The following CPVL variants were observed in gnomAD, a reference collection of about 807,000 sequenced individuals.
CPVL encodes probable serine carboxypeptidase CPVL.
A neutral mutation model predicts 63.7 loss-of-function variants in CPVL; 51 were observed. The observed-to-expected ratio is 0.80, with a 90% CI of 0.64 to 1.01. The LOEUF is 1.01. CPVL is among the 50% of genes least tolerant of loss of function. The probability of loss-of-function intolerance (pLI) is 0.00; values close to 1 mark genes in which losing one functional copy is unlikely to be tolerated. For synonymous variants in CPVL, 195 were observed against 206.0 expected, an observed-to-expected ratio of 0.95 and a Z score of 0.46; for missense variants, 530 against 573.1, an observed-to-expected ratio of 0.92 and a Z score of 0.77.
At chr7:29,178,381 T>G (rs1797631352) in intron 5 of CPVL, among the ~76,000 whole-genome samples, 1 of 152,192 alleles carries the variant, frequency 6.6e-6, no homozygotes, top group Non-Finnish European at 1.5e-5. Flanking sequence ...CTGGTCTTCC[T>G]CTGCGTGCGG....
At chr7:29,160,958 G>A (rs1206558461) in intron 5 of CPVL, among the ~76,000 whole-genome samples, 1 of 152,106 alleles carries the variant, frequency 6.6e-6, no homozygotes, top group Admixed American at 6.5e-5. Flanking sequence ...TTAAGAACAA[G>A]TGTCATTTTC....
intron 1 of CPVL, among the ~76,000 whole-genome samples, chr7:29,135,669 CAT>C (rs1791137752): frequency 6.6e-6 from 1 of 151,926 alleles, no homozygotes; most frequent in Non-Finnish European, 1.5e-5. Context: ...TTCAGAAATA[CAT>C]AAGAGTTATT....
At chr7:29,029,554 GAA>G (rs1192122713) in intron 12 of CPVL, among the ~76,000 whole-genome samples, 1 of 152,192 alleles carries the variant, frequency 6.6e-6, no homozygotes, top group African/African-American at 2.4e-5. Flanking sequence ...GCCAGGCAAA[GAA>G]AGACAAATAT....
At chr7:28,997,036 A>G (rs1390031434) in intron 12 of CPVL, among the ~76,000 whole-genome samples, 1 of 152,212 alleles carries the variant, frequency 6.6e-6, no homozygotes, top group Non-Finnish European at 1.5e-5. Context: ...TAATGATGAG[A>G]TCCAATCAGC....
intron 5 of CPVL, among the ~76,000 whole-genome samples, chr7:29,173,258 A>G (rs1424902254): frequency 6.6e-6 from 1 of 152,190 alleles, no homozygotes; most frequent in Admixed American, 6.5e-5. Context: ...CCCAGAGGAA[A>G]AAAAGCCCTG....
At position 28,997,232 on chromosome 7, in the gene CPVL, A is replaced by G. The variant is rs1784172101; in HGVS notation, c.1321-1350T>C. ...CTCGTTCCATATGTGGAGAATGGAC[A>G]GGAGGTACCAGTGCATGAAGTGAAT... On this transcript the variant is annotated intron_variant, in intron 12 of 12. Transcript: ENST00000265394. 2.0e-5 allele frequency among the ~76,000 whole-genome samples: 3 copies of G among 152,204 alleles called. No homozygotes were observed. The South Asian group carries it at 6.2e-4, about 31-fold the overall frequency.
At chr7:29,195,222 T>G (rs1036014003) in exon 1 of CPVL, 1 of 452,102 alleles carries the variant, frequency 2.2e-6, no homozygotes, top group East Asian at 3.7e-5. Context: ...GCCCTTAGTG[T>G]GCGGACGCGG....
intron 3 of CPVL, among the ~76,000 whole-genome samples, chr7:29,104,152 T>C (rs1015118690): frequency 2.0e-5 from 3 of 152,270 alleles, no homozygotes; most frequent in Admixed American, 1.3e-4. Flanking sequence ...TTCATGTTTT[T>C]CAAAGAAATT....
chr7:29,079,219 G>C (rs1017388610), intron 7 of CPVL, among the ~76,000 whole-genome samples: 29 of 152,146 alleles, frequency 1.9e-4, no homozygotes, highest in African/African-American at 7.0e-4. Flanking sequence ...ATATGGAAGG[G>C]GATGTTTGAC....
chr7:29,096,121 C>A lies in CPVL; in HGVS notation c.385G>T (p.Val129Phe). ...TACTTACAGGTCATGTTACTTGTGACAACATAAGGCCCATGTTCCACAAAG... is the reference window on the plus strand; with the variant it reads ...TACTTACAGGTCATGTTACTTGTGAAAACATAAGGCCCATGTTCCACAAAG... ...GLFVEHGPYV[V>F]TSNMTLRDRD... The change falls in exon 4 of 13, where the codon GTC becomes TTC. Residue 129 changes from valine to phenylalanine, a missense_variant. Val to Phe is a conservative substitution (Grantham distance 50, BLOSUM62 -1). Coordinates refer to ENST00000265394, the MANE Select transcript of CPVL (RefSeq NM_031311.5). The A allele has an allele frequency of 1.2e-6, 2 of 1,613,892 alleles. No individual in the cohort carries two copies. Among genetic ancestry groups the A allele is most frequent in the South Asian group, 2.2e-5 (2 of 91,080 alleles).
At chr7:29,012,512 T>C (rs564172528) in intron 12 of CPVL, 1 of 152,350 alleles carries the variant, frequency 6.6e-6, no homozygotes, top group East Asian at 1.9e-4. Flanking sequence ...AAACCTGCAG[T>C]GCATGGCAGG....
At chr7:29,054,869 G>A (rs936786315) in intron 11 of CPVL, among the ~76,000 whole-genome samples, 4 of 151,990 alleles carry the variant, frequency 2.6e-5, no homozygotes, top group African/African-American at 9.7e-5. Context: ...TTTATCTTCA[G>A]CACTGTCTAA....
Position 28,995,484 on chromosome 7 carries a change from T to C in CPVL, c.*288A>G. 1 of 290,328 alleles carries C rather than the reference T, an allele frequency of 3.4e-6. No individual in the cohort carries two copies. Among genetic ancestry groups the C allele is most frequent in the Non-Finnish European group, 6.3e-6 (1 of 159,146 alleles). The allele number at this position is 290,328 out of a possible 1,614,324, so 18.0% of individuals were successfully genotyped here. On this transcript the variant is annotated 3_prime_UTR_variant, in exon 13 of 13. Transcript: ENST00000265394. Reference sequence around the variant, plus strand: ...TCTTAGAAGAAATTAAAACTTCCTATTCAAGACCCTAAAATTTCATTTATA... The same window carrying C: ...TCTTAGAAGAAATTAAAACTTCCTACTCAAGACCCTAAAATTTCATTTATA...
At chr7:29,177,088 T>C (rs965276600) in intron 5 of CPVL, among the ~76,000 whole-genome samples, 25 of 152,358 alleles carry the variant, frequency 1.6e-4, no homozygotes, top group African/African-American at 5.8e-4. Flanking sequence ...AGATAAAATA[T>C]TTTTAGTTTA....
At chr7:29,066,528 G>A (rs1040105379) in intron 9 of CPVL, among the ~76,000 whole-genome samples, 19 of 152,184 alleles carry the variant, frequency 1.2e-4, no homozygotes, top group African/African-American at 4.6e-4. Flanking sequence ...TTAGAAGGTG[G>A]CATTTGAGTA....
chr7:29,125,753 T>C (rs1241776029), intron 1 of CPVL, among the ~76,000 whole-genome samples: 1 of 152,206 alleles, frequency 6.6e-6, no homozygotes, highest in Non-Finnish European at 1.5e-5. Context: ...TCTCAATAGA[T>C]AATAACAGCC....
intron 12 of CPVL, among the ~76,000 whole-genome samples, chr7:29,015,675 A>C (rs1786337270): frequency 6.6e-6 from 1 of 152,164 alleles, no homozygotes; most frequent in African/African-American, 2.4e-5. Flanking sequence ...GTATTTCCTT[A>C]TAGCAGTACA....
intron 5 of CPVL, among the ~76,000 whole-genome samples, chr7:29,178,942 G>A (rs571491294): frequency 7.9e-5 from 12 of 152,266 alleles, no homozygotes; most frequent in Admixed American, 3.3e-4. Flanking sequence ...CCATTTAAGG[G>A]ACATTATAGT....
chr7:29,051,655 A>G (rs1359312701), intron 11 of CPVL, among the ~76,000 whole-genome samples: 1 of 152,182 alleles, frequency 6.6e-6, no homozygotes, highest in Non-Finnish European at 1.5e-5. Context: ...GTGGGAATGT[A>G]AACTAGTATA....
Sources: allele counts gnomAD v4.1 joint callset (sites outside exome capture counted in the v4.1 genomes callset), GRCh38; gene constraint gnomAD v4.1.1; transcripts MANE v1.5; gene names NCBI Gene and HGNC (gene_info 2026-07-23, HGNC 2026-07-21).